PALS2: variants seen among roughly 807,000 people sequenced by gnomAD.
PALS2 encodes the protein protein PALS2.
In PALS2, 27 loss-of-function variants were observed where a neutral mutation model predicts 61.6. The observed-to-expected ratio is 0.44, with a 90% CI of 0.32 to 0.60. PALS2 has a LOEUF of 0.60. PALS2 is among the 20% of genes least tolerant of loss of function. The pLI is 0.05. For missense variants in PALS2, 554 were observed against 639.4 expected (o/e 0.87, Z 1.44); for synonymous variants, 236 against 218.6 (o/e 1.08, Z -0.70).
At chr7:24,675,739 G>A (rs965819111) in intron 9 of PALS2, among the ~76,000 whole-genome samples, 2 of 133,576 alleles carry the variant, frequency 1.5e-5, no homozygotes, top group African/African-American at 3.2e-5. Context: ...TTTTATGGCT[G>A]CATAGTATTC....
chr7:24,589,774 G>A (rs1438518738), intron 1 of PALS2, among the ~76,000 whole-genome samples: 2 of 152,158 alleles, frequency 1.3e-5, no homozygotes, highest in African/African-American at 4.8e-5. Flanking sequence ...AAGAATGAAT[G>A]TACCATGAAA....
In PALS2 at chr7:24,612,204, G is replaced by A. The variant is rs918042999; in HGVS notation, c.-2-11462G>A. On this transcript the variant is annotated intron_variant, in intron 1 of 11. Transcript: ENST00000222644. ...TGTGAAGAAAAAGAATATAAACTCA[G>A]GTAGTCAATCTAACATATTTTACTG... Among the ~76,000 whole-genome samples the A allele has an allele frequency of 9.2e-5, 14 of 151,964 alleles. No individual in the cohort carries two copies. The East Asian group carries it at 2.7e-3, about 29-fold the overall frequency.
At chr7:24,629,561 A>G (rs1784903556) in intron 2 of PALS2, among the ~76,000 whole-genome samples, 1 of 152,218 alleles carries the variant, frequency 6.6e-6, no homozygotes, top group Admixed American at 6.5e-5. Context: ...ACAGAATGGG[A>G]GAAAAATTTT....
chr7:24,580,710 ATG>A (rs1782809163), intron 1 of PALS2, among the ~76,000 whole-genome samples: 1 of 152,204 alleles, frequency 6.6e-6, no homozygotes, highest in Non-Finnish European at 1.5e-5. Flanking sequence ...TAGATGATTT[ATG>A]TGTTTTCGTT....
At chr7:24,651,088 A>G (rs1046923231) in intron 5 of PALS2, among the ~76,000 whole-genome samples, 108 of 152,222 alleles carry the variant, frequency 7.1e-4, no homozygotes, top group African/African-American at 2.6e-3. Context: ...CCTCCAGCTT[A>G]GTGTTTGTGT....
At chr7:24,609,813 C>G (rs1784049491) in intron 1 of PALS2, among the ~76,000 whole-genome samples, 1 of 152,068 alleles carries the variant, frequency 6.6e-6, no homozygotes, top group African/African-American at 2.4e-5. Flanking sequence ...AAAATGTGGG[C>G]TCTTCTATAT....
At chr7:24,649,134 A>G (rs970924175) in intron 3 of PALS2, among the ~76,000 whole-genome samples, 4 of 152,044 alleles carry the variant, frequency 2.6e-5, no homozygotes, top group Admixed American at 6.6e-5. Context: ...TTTCTGTTGG[A>G]CATCTTTTAA....
intron 1 of PALS2, among the ~76,000 whole-genome samples, chr7:24,578,980 A>G (rs964821147): frequency 6.6e-6 from 1 of 152,248 alleles, no homozygotes; most frequent in African/African-American, 2.4e-5. Flanking sequence ...ACAAAAAGGA[A>G]GTAAAATAAA....
At position 24,593,696 on chromosome 7, in the gene PALS2, C is replaced by CT. The variant is rs775944289; in HGVS notation, c.-3+20110dup. ...TGAGCAGTAATATTTTGAAAGGAAT[C>CT]TTTTTTTCTGAGCAGTATGTCTCAA... is the stretch of plus-strand genomic sequence containing the variant. On this transcript the variant is annotated intron_variant, in intron 1 of 11. Transcript: ENST00000222644. Among the ~76,000 whole-genome samples, 5 of 152,148 alleles carry CT rather than the reference C, an allele frequency of 3.3e-5. No homozygotes were observed. In the East Asian group the frequency reaches 7.7e-4, roughly 23 times the overall value.
chr7:24,574,856 A>G (rs143412095), intron 1 of PALS2, among the ~76,000 whole-genome samples: 58 of 152,322 alleles, frequency 3.8e-4, no homozygotes, highest in African/African-American at 1.2e-3. Flanking sequence ...AATGCGGTAT[A>G]TAGTTTCCGT....
At chr7:24,654,505 ACAT>A (rs1786317470) in intron 5 of PALS2, among the ~76,000 whole-genome samples, 1 of 152,164 alleles carries the variant, frequency 6.6e-6, no homozygotes, top group Non-Finnish European at 1.5e-5. Context: ...TGTAACTATG[ACAT>A]CATTTATAGT....
intron 8 of PALS2, among the ~76,000 whole-genome samples, chr7:24,668,238 A>G (rs1470521501): frequency 2.0e-5 from 3 of 152,094 alleles, no homozygotes; most frequent in African/African-American, 4.8e-5. Flanking sequence ...TGAGCCCAGG[A>G]GTTCAAGGGT....
intron 5 of PALS2, among the ~76,000 whole-genome samples, chr7:24,659,350 T>G (rs1256739443): frequency 6.6e-6 from 1 of 152,220 alleles, no homozygotes; most frequent in East Asian, 1.9e-4. Context: ...TATATATTCC[T>G]TTGGGTATGT....
chr7:24,622,190 AT>A (rs1784548463), intron 1 of PALS2, among the ~76,000 whole-genome samples: 1 of 151,994 alleles, frequency 6.6e-6, no homozygotes, highest in African/African-American at 2.4e-5. Flanking sequence ...GAGCTTGTCA[AT>A]TTCTACAAAA....
intron 11 of PALS2, among the ~76,000 whole-genome samples, chr7:24,683,603 A>G (rs909775025): frequency 1.3e-5 from 2 of 151,082 alleles, no homozygotes; most frequent in African/African-American, 4.9e-5. Context: ...CTCATCTTGT[A>G]CATTTTCTGT....
chr7:24,573,537 G>C lies in PALS2; in HGVS notation c.-59G>C, dbSNP rs1782525492. On this transcript the variant is annotated 5_prime_UTR_variant, in exon 1 of 12. Coordinates refer to ENST00000222644, the MANE Select transcript of PALS2 (RefSeq NM_001303037.2). The surrounding 1 kb of genome is among the most constrained non-coding windows in gnomAD (Gnocchi z 5.3). ...GTGGCTGAGGGAGAGCAGCGGCGGC[G>C]GGGAGCGACCGGGAGCGGCGGCAGC... 2 of 390,786 alleles carry C rather than the reference G, an allele frequency of 5.1e-6. No homozygotes were observed. The highest frequency in any genetic ancestry group is 9.0e-6 in the Non-Finnish European group (2 of 222,348). 24.2% of individuals were successfully genotyped at this position (390,786 alleles called of 1,614,324 possible).
chr7:24,642,999 G>A (rs572403811), intron 3 of PALS2, among the ~76,000 whole-genome samples: 1 of 152,254 alleles, frequency 6.6e-6, no homozygotes, highest in Admixed American at 6.5e-5. Context: ...TATGATGGCA[G>A]TACGTATAGA....
At chr7:24,668,408 A>G (rs1787139165) in intron 8 of PALS2, 91 bp from the exon 9 acceptor site, 1 of 1,231,866 alleles carries the variant, frequency 8.1e-7, no homozygotes, top group East Asian at 2.5e-5. Context: ...TTAACTATCA[A>G]GACAGCTAAG....
intron 1 of PALS2, among the ~76,000 whole-genome samples, chr7:24,604,219 G>GAAAAAAAA (rs58169190): frequency 1.0e-4 from 9 of 86,094 alleles, no homozygotes; most frequent in Non-Finnish European, 2.1e-4. Context: ...TTCAAGAAAA[G>GAAAAAAAA]AAAAAAAAAA....
Sources: gnomAD v4.1 joint callset for allele counts (sites outside exome capture counted in the v4.1 genomes callset) on GRCh38, gnomAD v4.1.1 for gene constraint, Gnocchi (gnomAD v3.1) non-coding constraint, MANE v1.5 for transcripts, NCBI Gene and HGNC (gene_info 2026-07-23, HGNC 2026-07-21) for gene names.